APP: variants seen among roughly 807,000 people sequenced by gnomAD.
APP encodes amyloid-beta precursor protein.
A neutral mutation model predicts 101.4 loss-of-function variants in APP; 31 were observed. That is an observed-to-expected ratio of 0.31 (90% CI 0.23 to 0.41). APP has a LOEUF of 0.41. APP is among the 10% of genes least tolerant of loss of function. The probability of loss-of-function intolerance (pLI) is 1.00; values close to 1 mark genes in which losing one functional copy is unlikely to be tolerated. For missense variants in APP, 839 were observed against 1,003.7 expected, an observed-to-expected ratio of 0.84 and a Z score of 2.22; for synonymous variants, 366 against 364.4, an observed-to-expected ratio of 1.00 and a Z score of -0.05.
Position 25,891,772 on chromosome 21 carries a change from C to T in APP, c.2161G>A (p.Val721Met), listed in dbSNP as rs1223904774. The change falls in exon 17 of 18, where the codon GTG becomes ATG. Residue 721 changes from valine to methionine, a missense_variant. By Grantham distance (21) the Val-to-Met change is conservative. Coordinates refer to ENST00000346798, the MANE Select transcript of APP (RefSeq NM_000484.4). ...VIATVIVITL[V>M]MLKKKQYTSI... ...GTGTACTGTTTCTTCTTCAGCATCACCAAGGTGATGACGATCACTGTCGCT... is the reference window on the plus strand; with the variant it reads ...GTGTACTGTTTCTTCTTCAGCATCATCAAGGTGATGACGATCACTGTCGCT... 2 of 1,614,040 alleles carry T rather than the reference C, an allele frequency of 1.2e-6. No homozygotes were observed. Among genetic ancestry groups the T allele is most frequent in the Non-Finnish European group, 8.5e-7 (1 of 1,180,014 alleles).
chr21:26,169,827 G>A (rs992997139), intron 1 of APP, among the ~76,000 whole-genome samples: 5 of 152,222 alleles, frequency 3.3e-5, no homozygotes, highest in Non-Finnish European at 7.3e-5. Flanking sequence ...TCCAGACTTG[G>A]GGAAGGCGCG....
At chr21:25,990,999 C>T (rs1233254590) in intron 8 of APP, among the ~76,000 whole-genome samples, 3 of 152,134 alleles carry the variant, frequency 2.0e-5, no homozygotes, top group Non-Finnish European at 2.9e-5. Context: ...AGAAAAACCA[C>T]AAAATAAAAG....
In APP at chr21:25,897,322, G is replaced by A. The variant is rs369305331; in HGVS notation, c.2064+251C>T. On this transcript the variant is annotated intron_variant, in intron 16 of 17. Coordinates refer to ENST00000346798, the MANE Select transcript of APP (RefSeq NM_000484.4). ...GTAGAGATGGGGTTTCACCATATTGGCCAGGCTGGTCTCGAATTTCTGACC... is the reference window on the plus strand; with the variant it reads ...GTAGAGATGGGGTTTCACCATATTGACCAGGCTGGTCTCGAATTTCTGACC... Among the ~76,000 whole-genome samples the A allele has an allele frequency of 3.3e-5, 5 of 152,192 alleles. No individual in the cohort carries two copies. In the South Asian group the frequency reaches 6.2e-4, roughly 19 times the overall value.
At chr21:26,076,630 T>C (rs1466443496) in intron 3 of APP, among the ~76,000 whole-genome samples, 14 of 152,232 alleles carry the variant, frequency 9.2e-5, no homozygotes, top group Admixed American at 9.2e-4. Context: ...TCTTAGGTTA[T>C]AGCCAAGAAA....
intron 5 of APP, among the ~76,000 whole-genome samples, chr21:26,034,268 A>T (rs1296709860): frequency 6.6e-6 from 1 of 152,158 alleles, no homozygotes; most frequent in African/African-American, 2.4e-5. Context: ...CTGCAAGCAT[A>T]ATTCAAGACT....
intron 6 of APP, among the ~76,000 whole-genome samples, chr21:26,013,406 T>C (rs2043907025): frequency 6.6e-6 from 1 of 151,768 alleles, no homozygotes; most frequent in Non-Finnish European, 1.5e-5. Flanking sequence ...ATTTCTTCTT[T>C]GAGGTTTGAT....
At chr21:26,015,313 T>A (rs73896806) in intron 6 of APP, among the ~76,000 whole-genome samples, 1 of 152,214 alleles carries the variant, frequency 6.6e-6, no homozygotes, top group Non-Finnish European at 1.5e-5. Flanking sequence ...GCAGTTACTG[T>A]ATACCAGGAA....
chr21:25,991,866 C>T (rs8132329), intron 8 of APP, among the ~76,000 whole-genome samples: 4,791 of 152,272 alleles, frequency 0.031, 232 homozygotes, highest in East Asian at 0.14. Flanking sequence ...CTTTATTAAA[C>T]GATCCACTTA....
intron 8 of APP, among the ~76,000 whole-genome samples, chr21:25,987,828 T>C (rs1210741120): frequency 6.6e-6 from 1 of 152,106 alleles, no homozygotes; most frequent in African/African-American, 2.4e-5. Flanking sequence ...TTGCAGCCCT[T>C]ATTATATGTG....
In APP at chr21:25,982,481, T is replaced by TA. The variant is rs1244512097; in HGVS notation, c.1091-5dup. The TA allele has an allele frequency of 3.1e-6, 5 of 1,613,422 alleles. No homozygotes were observed. In the African/African-American group the frequency reaches 5.4e-5, roughly 17 times the overall value. On this transcript the variant is annotated splice_region_variant and splice_polypyrimidine_tract_variant and intron_variant, in intron 8 of 17. Transcript: ENST00000346798. Reference sequence around the variant, plus strand: ...GTACTGGCTGCTGTTGTAGGAACTATAAAGTAGAAGAGAAGGAGGTTTGAG... The same window carrying TA: ...GTACTGGCTGCTGTTGTAGGAACTATAAAAGTAGAAGAGAAGGAGGTTTGAG...
At chr21:25,924,614 G>A (rs571898327) in intron 13 of APP, among the ~76,000 whole-genome samples, 1 of 150,956 alleles carries the variant, frequency 6.6e-6, no homozygotes, top group African/African-American at 2.4e-5. Context: ...GCCTGTCCAG[G>A]GGTGGGGTGA....
chr21:26,073,969 A>AGCT (rs2061454740), intron 3 of APP, among the ~76,000 whole-genome samples: 1 of 152,234 alleles, frequency 6.6e-6, no homozygotes, highest in African/African-American at 2.4e-5. Flanking sequence ...AGAAAGCAAG[A>AGCT]GCTACAGGAC....
At chr21:26,112,873 G>A (rs2062359648) in intron 1 of APP, among the ~76,000 whole-genome samples, 1 of 152,086 alleles carries the variant, frequency 6.6e-6, no homozygotes. Context: ...TAGTAAGTAA[G>A]GGGTCCTAGC....
chr21:25,964,606 CT>C (rs150904952), intron 11 of APP, among the ~76,000 whole-genome samples: 32,754 of 122,356 alleles, frequency 0.27, 4,047 homozygotes, highest in Middle Eastern at 0.35. Context: ...TTTTTCTTTT[CT>C]TTTTTTTTTT....
chr21:26,102,384 C>T (rs530927801), intron 2 of APP, among the ~76,000 whole-genome samples: 1 of 152,042 alleles, frequency 6.6e-6, no homozygotes, highest in Non-Finnish European at 1.5e-5. Flanking sequence ...CCACTGCGCC[C>T]GGCCAAAACT....
At chr21:25,979,207 A>C (rs1237828264) in intron 9 of APP, among the ~76,000 whole-genome samples, 1 of 152,230 alleles carries the variant, frequency 6.6e-6, no homozygotes, top group Non-Finnish European at 1.5e-5. Context: ...AAAAAATTCC[A>C]AAATCCTCTG....
chr21:26,001,354 C>T (rs1398190677), intron 6 of APP, among the ~76,000 whole-genome samples: 1 of 152,132 alleles, frequency 6.6e-6, no homozygotes, highest in Non-Finnish European at 1.5e-5. Context: ...AAACAACAGC[C>T]CAATTCTCTC....
chr21:25,911,834 G>T lies in APP; in HGVS notation c.1816C>A (p.Leu606Ile). 6.2e-7 allele frequency: 1 copy of T among 1,614,192 alleles called. No homozygotes were observed. The highest frequency in any genetic ancestry group is 1.6e-4 in the Middle Eastern group (1 of 6,062). The part of the protein sequence containing the change: ...SLTETKTTVE[L>I]LPVNGEFSLD... ...CTGAACTCTCCATTCACGGGAAGGAGCTCCACGGTGGTTTTCGTTTCGGTC... is the reference window on the plus strand; with the variant it reads ...CTGAACTCTCCATTCACGGGAAGGATCTCCACGGTGGTTTTCGTTTCGGTC... The change falls in exon 14 of 18, where the codon CTC becomes ATC. Residue 606 changes from leucine to isoleucine, a missense_variant. Transcript: ENST00000346798.
intron 12 of APP, among the ~76,000 whole-genome samples, chr21:25,955,133 T>C (rs568840197): frequency 2.0e-5 from 3 of 152,308 alleles, no homozygotes; most frequent in Non-Finnish European, 4.4e-5. Context: ...GGCTATTTCA[T>C]GCTATATATA....
Sources: allele counts gnomAD v4.1 joint callset (sites outside exome capture counted in the v4.1 genomes callset), GRCh38; gene constraint gnomAD v4.1.1; transcripts MANE v1.5; gene names NCBI Gene and HGNC (gene_info 2026-07-23, HGNC 2026-07-21).